CFAP47: variants seen among roughly 807,000 people sequenced by gnomAD.
The protein encoded by CFAP47 is cilia and flagella associated protein 47.
A neutral mutation model predicts 148.1 loss-of-function variants in CFAP47; 29 were observed. The observed-to-expected ratio is 0.20, with a 90% CI of 0.15 to 0.27. The LOEUF is 0.27. Among genes scored for constraint, CFAP47 ranks in the 10% least tolerant of loss-of-function variants. The pLI, the probability that CFAP47 is intolerant of heterozygous loss-of-function variation, is 1.00. For synonymous variants in CFAP47, 664 were observed against 577.3 expected, an observed-to-expected ratio of 1.15 and a Z score of -2.15; for missense variants, 1,872 against 1,697.5, an observed-to-expected ratio of 1.10 and a Z score of -1.81.
intron 1 of CFAP47, among the ~76,000 whole-genome samples, chrX:35,923,996 T>C (rs966337051): frequency 5.9e-5 from 6 of 102,228 alleles, no homozygotes; most frequent in African/African-American, 1.9e-4. Flanking sequence ...TGTACATATA[T>C]GTGTATATGT....
intron 57 of CFAP47, among the ~76,000 whole-genome samples, chrX:36,336,236 GACACACAGAC>G (rs1435103006): frequency 7.7e-4 from 24 of 31,238 alleles, no homozygotes; most frequent in Non-Finnish European, 1.4e-3. Flanking sequence ...CTCTGTCACA[GACACACAGAC>G]ACACACACAC....
intron 37 of CFAP47, among the ~76,000 whole-genome samples, chrX:36,150,611 C>T (rs1456945273): frequency 9.0e-6 from 1 of 111,182 alleles, no homozygotes; most frequent in East Asian, 2.8e-4. Flanking sequence ...ATATCAAACA[C>T]AGAAATAATA....
chrX:36,122,894 C>T (rs1357537113), intron 33 of CFAP47, among the ~76,000 whole-genome samples: 2 of 111,231 alleles, frequency 1.8e-5, no homozygotes, highest in African/African-American at 6.5e-5. Context: ...TTGAAGAACT[C>T]TTAACATTTA....
chrX:36,136,993 T>C lies in CFAP47; in HGVS notation c.5321-965T>C, dbSNP rs911648748. On this transcript the variant is annotated intron_variant, in intron 33 of 63. Coordinates refer to ENST00000378653, the MANE Select transcript of CFAP47 (RefSeq NM_001304548.2). ...AATCCTATAGAAATGTTCAATGTCA[T>C]AGCTTCTCAGATGAAAAAGTACTGG... Among the ~76,000 whole-genome samples, 3 of 111,594 alleles carry C rather than the reference T, an allele frequency of 2.7e-5. No individual in the cohort carries two copies. The East Asian group carries it at 8.5e-4, about 32-fold the overall frequency.
At chrX:36,355,293 A>G (rs1311521895) in intron 60 of CFAP47, among the ~76,000 whole-genome samples, 3 of 111,425 alleles carry the variant, frequency 2.7e-5, no homozygotes, top group Non-Finnish European at 5.7e-5. Context: ...GCTATGGAAA[A>G]CAGTCTAACA....
At chrX:36,079,578 T>C (rs765756000) in intron 29 of CFAP47, among the ~76,000 whole-genome samples, 1 of 111,550 alleles carries the variant, frequency 9.0e-6, no homozygotes, top group East Asian at 2.8e-4. Context: ...GCCAATCATC[T>C]AATCTTTTGT....
intron 26 of CFAP47, among the ~76,000 whole-genome samples, chrX:36,055,545 C>A (rs1337779289): frequency 8.9e-6 from 1 of 112,144 alleles, no homozygotes; most frequent in African/African-American, 3.2e-5. Flanking sequence ...TGTATATGTA[C>A]CACATTTTCT....
intron 46 of CFAP47, among the ~76,000 whole-genome samples, chrX:36,231,655 T>A (rs1555992722): frequency 1.8e-5 from 2 of 111,185 alleles, no homozygotes; most frequent in South Asian, 7.7e-4. Flanking sequence ...CTATGTTGAA[T>A]AGGAGTGGTG....
chrX:36,056,294 G>A (rs1382440408), intron 26 of CFAP47, among the ~76,000 whole-genome samples: 1 of 112,083 alleles, frequency 8.9e-6, no homozygotes, highest in Non-Finnish European at 1.9e-5. Context: ...TATACAACAT[G>A]GGTTGACTAA....
In CFAP47 at chrX:35,989,448, A is replaced by G. The variant is rs750903986; in HGVS notation, c.2843A>G (p.His948Arg). The G allele has an allele frequency of 9.9e-6, 12 of 1,209,600 alleles. No individual in the cohort carries two copies. In the Admixed American group the frequency reaches 1.8e-4, roughly 18 times the overall value. ...GNALKLKCVA[H>R]LGRTKVLLLQ... is the part of the protein sequence containing the mutation. ...GCGTTGAAGCTAAAATGTGTTGCAC[A>G]TGTAATTATTTTCCTTGAACATGGT... The change falls in exon 16 of 64, where the codon CAT becomes CGT. Residue 948 changes from histidine to arginine, a missense_variant and splice_region_variant. His to Arg is a conservative substitution (Grantham distance 29). Coordinates refer to ENST00000378653, the MANE Select transcript of CFAP47 (RefSeq NM_001304548.2).
intron 57 of CFAP47, among the ~76,000 whole-genome samples, chrX:36,329,537 A>G (rs1325660855): frequency 8.9e-6 from 1 of 112,111 alleles, no homozygotes; most frequent in East Asian, 2.8e-4. Flanking sequence ...AATACAATAT[A>G]TAATTTAATT....
At position 35,924,291 on chromosome X, in the gene CFAP47, A is replaced by G. The variant is rs1168682880; in HGVS notation, c.250-1726A>G. 4.4e-4 allele frequency among the ~76,000 whole-genome samples: 45 copies of G among 101,749 alleles called. No homozygotes were observed. In the Admixed American group the frequency reaches 4.4e-3, roughly 10 times the overall value. 88.4% of individuals were successfully genotyped at this position (101,749 alleles called of 115,157 possible). ...TACATGTATGTGTATATGTACATGT[A>G]TGTGTACACATATGTATATATGTAC... On this transcript the variant is annotated intron_variant, in intron 1 of 63. Transcript: ENST00000378653.
intron 9 of CFAP47, 82 bp downstream of exon 9, chrX:35,966,836 TACAC>T: frequency 1.4e-6 from 1 of 694,257 alleles, no homozygotes; most frequent in Non-Finnish European, 2.0e-6. Flanking sequence ...ATTGCTTAAT[TACAC>T]ACGCACATAT....
chrX:36,034,984 A>G (rs771352530), intron 23 of CFAP47, among the ~76,000 whole-genome samples: 1 of 110,348 alleles, frequency 9.1e-6, no homozygotes. Flanking sequence ...CTCTCTCTAT[A>G]TATATATATC....
chrX:35,981,623 C>T (rs1309884304), intron 15 of CFAP47, among the ~76,000 whole-genome samples: 1 of 111,190 alleles, frequency 9.0e-6, no homozygotes, highest in African/African-American at 3.3e-5. Context: ...GATTGACACT[C>T]AGTTAATAAG....
intron 33 of CFAP47, among the ~76,000 whole-genome samples, chrX:36,124,070 T>C (rs1416391587): frequency 9.0e-6 from 1 of 111,260 alleles, no homozygotes; most frequent in Non-Finnish European, 1.9e-5. Flanking sequence ...TGGATGTGTC[T>C]AGAAGTAGTG....
chrX:36,139,797 A>G (rs902519183), intron 35 of CFAP47, among the ~76,000 whole-genome samples: 1 of 111,811 alleles, frequency 8.9e-6, no homozygotes, highest in Non-Finnish European at 1.9e-5. Flanking sequence ...TGCTGGAGAA[A>G]TGAGTTTTAT....
At chrX:35,956,686 A>G (rs545201941) in intron 8 of CFAP47, among the ~76,000 whole-genome samples, 2 of 111,767 alleles carry the variant, frequency 1.8e-5, no homozygotes, top group African/African-American at 6.5e-5. Context: ...ACAAAGCAGA[A>G]AAAGAGAATG....
intron 45 of CFAP47, among the ~76,000 whole-genome samples, chrX:36,215,846 T>C (rs1470332564): frequency 1.8e-5 from 2 of 111,591 alleles, no homozygotes; most frequent in Non-Finnish European, 3.8e-5. Flanking sequence ...CCTACCTCCA[T>C]TAACTAACCT....
Sources: gnomAD v4.1 joint callset for allele counts (sites outside exome capture counted in the v4.1 genomes callset) on GRCh38, gnomAD v4.1.1 for gene constraint, MANE v1.5 for transcripts, NCBI Gene and HGNC (gene_info 2026-07-23, HGNC 2026-07-21) for gene names.